The following PIK3R3 variants were observed in gnomAD, a reference collection of about 807,000 sequenced individuals.
PIK3R3 encodes phosphoinositide-3-kinase regulatory subunit 3.
PIK3R3 carries 64 observed loss-of-function variants against 62.9 expected under a neutral mutation model. The observed-to-expected ratio is 1.02, with a 90% CI of 0.83 to 1.25. PIK3R3 has a LOEUF of 1.25. Ranked by LOEUF, PIK3R3 falls within the 50% of genes most tolerant of loss-of-function variation. The pLI, the probability that PIK3R3 is intolerant of heterozygous loss-of-function variation, is 0.00. For synonymous variants in PIK3R3, 165 were observed against 189.0 expected (o/e 0.87, Z 1.04); for missense variants, 614 against 561.6 (o/e 1.09, Z -0.94).
chr1:46,100,401 C>T (rs545637781), intron 1 of PIK3R3, among the ~76,000 whole-genome samples: 1 of 152,252 alleles, frequency 6.6e-6, no homozygotes, highest in South Asian at 2.1e-4. Flanking sequence ...CCATCATCTC[C>T]TTACTCATCT....
At chr1:46,063,526 A>G (rs1648711937) in intron 5 of PIK3R3, among the ~76,000 whole-genome samples, 1 of 152,236 alleles carries the variant, frequency 6.6e-6, no homozygotes, top group Non-Finnish European at 1.5e-5. Flanking sequence ...GGATCTTCAA[A>G]GAAAACACTA....
intron 1 of PIK3R3, among the ~76,000 whole-genome samples, chr1:46,119,579 G>A (rs558309658): frequency 2.6e-5 from 4 of 152,154 alleles, no homozygotes; most frequent in Non-Finnish European, 1.5e-5. Flanking sequence ...TCAATACTTA[G>A]GCACATCATA....
intron 7 of PIK3R3, among the ~76,000 whole-genome samples, chr1:46,052,183 A>C (rs1359463487): frequency 6.6e-6 from 1 of 152,112 alleles, no homozygotes; most frequent in African/African-American, 2.4e-5. Flanking sequence ...AAAATAGAAC[A>C]ATTATAACAA....
chr1:46,066,976 A>G lies in PIK3R3; in HGVS notation c.430T>C (p.Ser144Pro). ...VELINHYHHESLAQYNPKLDV... is the reference protein window; with the variant it reads ...VELINHYHHEPLAQYNPKLDV... ...AGTTTGGGATTGTACTGAGCAAGAG[A>G]TTCATGGTGATAGTGGTTAATGAGC... Residue 144 changes from serine to proline, a missense_variant, in exon 4 of 10, where the codon TCT becomes CCT. Coordinates refer to ENST00000262741, the MANE Select transcript of PIK3R3 (RefSeq NM_003629.4). 6.2e-7 allele frequency: 1 copy of G among 1,612,462 alleles called. No individual in the cohort carries two copies. The highest frequency in any genetic ancestry group is 2.2e-5 in the East Asian group (1 of 44,612).
rs185719229 is a variant in PIK3R3 at position 46,131,787 on chromosome 1, G to A, written c.106+60C>T. 1.1e-4 allele frequency: 165 copies of A among 1,515,306 alleles called. No individual in the cohort carries two copies. In the African/African-American group the frequency reaches 2.1e-3, roughly 20 times the overall value. The allele number at this position is 1,515,306 out of a possible 1,614,324, so 93.9% of individuals were successfully genotyped here. Reference sequence around the variant, plus strand: ...ACTTCTGCCCTGAAAACATCAGCAAGCTCTTGGTAAATACAAATCAGACCC... The same window carrying A: ...ACTTCTGCCCTGAAAACATCAGCAAACTCTTGGTAAATACAAATCAGACCC... On this transcript the variant is annotated intron_variant, in intron 1 of 9. Coordinates refer to ENST00000262741, the MANE Select transcript of PIK3R3 (RefSeq NM_003629.4).
Position 46,132,465 on chromosome 1 carries a change from A to C in PIK3R3, c.-513T>G, listed in dbSNP as rs1199989033. The stretch of plus-strand genomic sequence containing the variant: ...CTGGTCTGCAGAGAGCGAATCCCCC[A>C]GAGGCCGGGACTCGGGCTCCTCTCC... On this transcript the variant is annotated 5_prime_UTR_variant, in exon 1 of 10. Coordinates refer to ENST00000262741, the MANE Select transcript of PIK3R3 (RefSeq NM_003629.4). 22 of 1,196,492 alleles carry C rather than the reference A, an allele frequency of 1.8e-5. No homozygotes were observed. The highest frequency in any genetic ancestry group is 2.3e-5 in the Non-Finnish European group (22 of 945,338). The allele number at this position is 1,196,492 out of a possible 1,614,324, so 74.1% of individuals were successfully genotyped here.
intron 7 of PIK3R3, among the ~76,000 whole-genome samples, chr1:46,053,526 A>C (rs1482359821): frequency 2.0e-5 from 3 of 152,100 alleles, no homozygotes; most frequent in Non-Finnish European, 2.9e-5. Context: ...TCATGAATGG[A>C]ATTAGTGCCC....
intron 3 of PIK3R3, among the ~76,000 whole-genome samples, chr1:46,073,111 G>A (rs1649699883): frequency 6.6e-6 from 1 of 152,144 alleles, no homozygotes; most frequent in Non-Finnish European, 1.5e-5. Context: ...TAGGTGGGAA[G>A]GGAGAAGAAA....
intron 1 of PIK3R3, among the ~76,000 whole-genome samples, chr1:46,109,129 A>C (rs915285658): frequency 6.6e-6 from 1 of 150,450 alleles, no homozygotes; most frequent in Non-Finnish European, 1.5e-5. Flanking sequence ...ACTGCACTCC[A>C]TCCAGCCTGG....
chr1:46,114,050 T>C (rs905245048), intron 1 of PIK3R3, among the ~76,000 whole-genome samples: 9 of 152,332 alleles, frequency 5.9e-5, no homozygotes, highest in Admixed American at 3.9e-4. Context: ...AGGGATTATG[T>C]AATCTTCATA....
At position 46,046,067 on chromosome 1, in the gene PIK3R3, T is replaced by C; in HGVS notation, c.1038A>G (p.Glu346=). ...CATCATAATGGGGCAGGTTTTCATC[T>C]TCCTCATTGATAAAATAGTTCCTAA... ...DADENYFINE[E]DENLPHYDEK... Residue 346 remains glutamate, a synonymous_variant, in exon 9 of 10, where the codon GAA becomes GAG. Transcript: ENST00000262741. The C allele has an allele frequency of 6.2e-7, 1 of 1,600,418 alleles. No homozygotes were observed. The highest frequency in any genetic ancestry group is 8.6e-7 in the Non-Finnish European group (1 of 1,169,516).
chr1:46,151,106 C>T, the PIK3R3 span, among the ~76,000 whole-genome samples: 10 of 152,060 alleles, frequency 6.6e-5, no homozygotes, highest in African/African-American at 1.9e-4. Context: ...CAACTGTGCT[C>T]GGCTGCTGGT....
At chr1:46,151,129 AAG>A in the PIK3R3 span, among the ~76,000 whole-genome samples, 3 of 152,084 alleles carry the variant, frequency 2.0e-5, no homozygotes, top group East Asian at 5.8e-4. Context: ...ACATTTTTTA[AAG>A]AGTCTAGACT....
chr1:46,166,010 G>T, the PIK3R3 span, among the ~76,000 whole-genome samples: 1 of 148,964 alleles, frequency 6.7e-6, no homozygotes, highest in Admixed American at 6.7e-5. Flanking sequence ...TCCTGACCTC[G>T]TGATTCGCCC....
intron 5 of PIK3R3, 66 bp downstream of exon 5, chr1:46,065,988 G>A: frequency 7.0e-7 from 1 of 1,418,596 alleles, no homozygotes; most frequent in Non-Finnish European, 9.9e-7. Flanking sequence ...TCAAGTGAAT[G>A]ATCGAAAATT....
chr1:46,077,443 C>A, intron 3 of PIK3R3, 72 bp downstream of exon 3: 4 of 683,376 alleles, frequency 5.9e-6, no homozygotes, highest in East Asian at 2.6e-5. Context: ...GATTTAAATA[C>A]AGAAATATCT....
At chr1:46,165,741 C>G in the PIK3R3 span, among the ~76,000 whole-genome samples, 2 of 91,100 alleles carry the variant, frequency 2.2e-5, no homozygotes, top group Non-Finnish European at 4.5e-5. Flanking sequence ...ATTTAAACTG[C>G]TGCTTTGTCC....
At chr1:46,081,553 G>A (rs910008965) in intron 1 of PIK3R3, among the ~76,000 whole-genome samples, 6 of 152,182 alleles carry the variant, frequency 3.9e-5, no homozygotes, top group Non-Finnish European at 7.3e-5. Flanking sequence ...AATGCCTGAT[G>A]ATCTGAGGTG....
intron 7 of PIK3R3, among the ~76,000 whole-genome samples, chr1:46,051,062 G>A (rs1174864847): frequency 6.6e-6 from 1 of 152,210 alleles, no homozygotes; most frequent in African/African-American, 2.4e-5. Context: ...TGATAGGGAT[G>A]TTAAGTAAAC....
Sources: gnomAD v4.1 joint callset for allele counts (sites outside exome capture counted in the v4.1 genomes callset) on GRCh38, gnomAD v4.1.1 for gene constraint, MANE v1.5 for transcripts, NCBI Gene and HGNC (gene_info 2026-07-23, HGNC 2026-07-21) for gene names.